PRIM2: variants seen among roughly 807,000 people sequenced by gnomAD.
The protein encoded by PRIM2 is DNA primase large subunit.
PRIM2 carries 39 observed loss-of-function variants against 67.3 expected under a neutral mutation model. The observed-to-expected ratio is 0.58, with a 90% CI of 0.45 to 0.76. The LOEUF (loss-of-function observed/expected upper bound fraction) is 0.76, where lower values mean the gene tolerates loss of function less well. Ranked by LOEUF, PRIM2 falls within the 30% of genes least tolerant of loss-of-function variation. The probability of loss-of-function intolerance (pLI) is 0.00; values close to 1 mark genes in which losing one functional copy is unlikely to be tolerated. For missense variants in PRIM2, 398 were observed against 598.7 expected (o/e 0.66, Z 3.50); for synonymous variants, 143 against 198.7 (o/e 0.72, Z 2.36).
chr6:57,407,270 T>C (rs1349196672), intron 7 of PRIM2, among the ~76,000 whole-genome samples: 15 of 152,100 alleles, frequency 9.9e-5, no homozygotes, highest in Admixed American at 8.5e-4. Context: ...GCATTTATAA[T>C]CTTTTCTTCT....
intron 10 of PRIM2, among the ~76,000 whole-genome samples, chr6:57,553,714 A>G (rs1449080722): frequency 6.6e-6 from 1 of 152,094 alleles, no homozygotes; most frequent in African/African-American, 2.4e-5. Flanking sequence ...TTCTTTAGTT[A>G]TATTGCGACT....
At chr6:57,342,609 T>C (rs567788449) in intron 5 of PRIM2, among the ~76,000 whole-genome samples, 1 of 152,198 alleles carries the variant, frequency 6.6e-6, no homozygotes, top group South Asian at 2.1e-4. Context: ...TACCAGTGGG[T>C]CTAATGGTAG....
chr6:57,588,868 GA>G (rs1413298696), intron 10 of PRIM2, among the ~76,000 whole-genome samples: 1 of 152,146 alleles, frequency 6.6e-6, no homozygotes, highest in Non-Finnish European at 1.5e-5. Context: ...AGGCTGTTTG[GA>G]AAGTCAGTTC....
intron 7 of PRIM2, among the ~76,000 whole-genome samples, chr6:57,483,338 G>GAA (rs1405353111): frequency 3.9e-5 from 6 of 152,166 alleles, no homozygotes; most frequent in African/African-American, 1.4e-4. Context: ...GCAGCAGCAA[G>GAA]AAAGGAATGC....
At chr6:57,609,780 G>T (rs1776631314) in intron 12 of PRIM2, among the ~76,000 whole-genome samples, 1 of 152,156 alleles carries the variant, frequency 6.6e-6, no homozygotes. Flanking sequence ...GCTTTTATTT[G>T]ATGTCTTTAT....
At chr6:57,431,647 T>A (rs537280285) in intron 7 of PRIM2, among the ~76,000 whole-genome samples, 2,529 of 148,052 alleles carry the variant, frequency 0.017, 34 homozygotes, top group Non-Finnish European at 0.027. Flanking sequence ...ACCCTGCCTT[T>A]AAAAAAAAAA....
chr6:57,508,510 T>G (rs1774295649), intron 8 of PRIM2, among the ~76,000 whole-genome samples: 1 of 152,200 alleles, frequency 6.6e-6, no homozygotes, highest in East Asian at 1.9e-4. Context: ...TATTTGTATT[T>G]TAGATCATTT....
At chr6:57,356,001 G>A (rs1769017993) in intron 5 of PRIM2, among the ~76,000 whole-genome samples, 1 of 152,122 alleles carries the variant, frequency 6.6e-6, no homozygotes. Flanking sequence ...GAAAATGTTT[G>A]GGGTTTTGCA....
intron 10 of PRIM2, among the ~76,000 whole-genome samples, chr6:57,551,911 C>T (rs1322517235): frequency 3.3e-5 from 5 of 152,288 alleles, no homozygotes; most frequent in Admixed American, 2.0e-4. Context: ...CTAGGCTTGG[C>T]ATTTTTCTTG....
chr6:57,524,870 G>C (rs1488875824), intron 8 of PRIM2, among the ~76,000 whole-genome samples: 5 of 151,922 alleles, frequency 3.3e-5, no homozygotes, highest in Non-Finnish European at 5.9e-5. Flanking sequence ...TTCTTAGAAG[G>C]CACTATTATA....
the PRIM2 span, among the ~76,000 whole-genome samples, chr6:57,227,028 G>C: frequency 6.6e-6 from 1 of 152,020 alleles, no homozygotes. Context: ...TACACTTCTA[G>C]ATTTAGGGCC....
intron 7 of PRIM2, among the ~76,000 whole-genome samples, chr6:57,444,886 G>C (rs1286869435): frequency 3.3e-5 from 5 of 151,658 alleles, no homozygotes; most frequent in African/African-American, 7.3e-5. Context: ...ATAATTTGGG[G>C]TGGCAGATTT....
the PRIM2 span, among the ~76,000 whole-genome samples, chr6:57,227,478 T>C: frequency 6.6e-6 from 1 of 152,062 alleles, no homozygotes; most frequent in African/African-American, 2.4e-5. Flanking sequence ...ACCCCATCTC[T>C]ACTAAAAATA....
At chr6:57,316,999 T>A (rs55682010), upstream of PRIM2, among the ~76,000 whole-genome samples, 1,458 of 152,338 alleles carry the variant, frequency 9.6e-3, 9 homozygotes, top group Non-Finnish European at 0.016. Context: ...GGGGAGCGAA[T>A]TGAACGTGGA....
intron 5 of PRIM2, among the ~76,000 whole-genome samples, chr6:57,356,162 A>G (rs1769023330): frequency 6.6e-6 from 1 of 152,184 alleles, no homozygotes; most frequent in African/African-American, 2.4e-5. Context: ...AGTGAAGAGC[A>G]TAGGCTCTGG....
intron 7 of PRIM2, among the ~76,000 whole-genome samples, chr6:57,409,239 G>A (rs532751963): frequency 6.6e-6 from 1 of 151,538 alleles, no homozygotes; most frequent in East Asian, 1.9e-4. Context: ...ACACTAGCAC[G>A]ATCTTGGCTC....
intron 10 of PRIM2, among the ~76,000 whole-genome samples, chr6:57,567,670 A>G (rs1198522039): frequency 6.6e-6 from 1 of 152,120 alleles, no homozygotes; most frequent in African/African-American, 2.4e-5. Context: ...TGAGAAAGCA[A>G]AATGCCCTTT....
intron 8 of PRIM2, among the ~76,000 whole-genome samples, chr6:57,522,347 TTTGA>T (rs1393536262): frequency 2.0e-5 from 3 of 152,164 alleles, no homozygotes; most frequent in Non-Finnish European, 4.4e-5. Context: ...CAGAGAACTA[TTTGA>T]TTGTTTTATG....
At chr6:57,584,086 T>C (rs1257547944) in intron 10 of PRIM2, among the ~76,000 whole-genome samples, 22 of 152,326 alleles carry the variant, frequency 1.4e-4, no homozygotes, top group Middle Eastern at 6.8e-3. Context: ...CTAATAACAG[T>C]AGTGCATTTG....
Sources: gnomAD v4.1 joint callset for allele counts (sites outside exome capture counted in the v4.1 genomes callset) on GRCh38, gnomAD v4.1.1 for gene constraint, MANE v1.5 for transcripts, NCBI Gene and HGNC (gene_info 2026-07-23, HGNC 2026-07-21) for gene names.